The following SS18 variants were observed in gnomAD, a reference collection of about 807,000 sequenced individuals.
The protein encoded by SS18 is protein SSXT.
Under a neutral mutation model 72.5 loss-of-function variants are expected in SS18, and 28 were observed. The observed-to-expected ratio is 0.39, with a 90% CI of 0.29 to 0.53. The LOEUF (loss-of-function observed/expected upper bound fraction) is 0.53. Ranked by LOEUF, SS18 falls within the 20% of genes least tolerant of loss-of-function variation. The pLI is 0.76. For missense variants in SS18, 518 were observed against 535.3 expected, an observed-to-expected ratio of 0.97 and a Z score of 0.32; for synonymous variants, 172 against 164.2, an observed-to-expected ratio of 1.05 and a Z score of -0.37.
chr18:26,043,065 G>A (rs1468982961), intron 5 of SS18, among the ~76,000 whole-genome samples: 1 of 151,988 alleles, frequency 6.6e-6, no homozygotes, highest in Non-Finnish European at 1.5e-5. Context: ...AGCTTTACCT[G>A]TATTATTTCT....
chr18:26,034,094 C>G (rs1598539886), intron 9 of SS18, among the ~76,000 whole-genome samples: 1 of 152,244 alleles, frequency 6.6e-6, no homozygotes, highest in Middle Eastern at 3.4e-3. Context: ...AAATACCTGA[C>G]TCCCAATATC....
intron 9 of SS18, among the ~76,000 whole-genome samples, chr18:26,033,132 T>A (rs1272756178): frequency 2.6e-5 from 4 of 152,208 alleles, no homozygotes; most frequent in Non-Finnish European, 5.9e-5. Context: ...TTAATCACCT[T>A]TAATACTTTA....
intron 3 of SS18, 33 bp downstream of exon 3, chr18:26,078,043 T>A (rs375742796): frequency 2.7e-6 from 4 of 1,499,596 alleles, no homozygotes; most frequent in Non-Finnish European, 3.7e-6. Flanking sequence ...ACTATAAAGA[T>A]TGTCTACTTC....
At chr18:26,082,556 T>A in intron 2 of SS18, 1 of 963,084 alleles carries the variant, frequency 1.0e-6, no homozygotes, top group Non-Finnish European at 1.2e-6. Context: ...AGAAATGATT[T>A]AAGCAAACAT....
chr18:26,032,604 TAC>T, intron 9 of SS18, 72 bp from the exon 10 acceptor site: 1 of 1,496,252 alleles, frequency 6.7e-7, no homozygotes, highest in Non-Finnish European at 9.0e-7. Flanking sequence ...GGATGTGAAC[TAC>T]AGAGATGTTA....
chr18:26,078,415 ATAC>A (rs2054456020), intron 2 of SS18: 2 of 299,644 alleles, frequency 6.7e-6, no homozygotes, highest in South Asian at 1.4e-4. Flanking sequence ...CCACAAACCA[ATAC>A]TACGAGGCAG....
intron 10 of SS18, among the ~76,000 whole-genome samples, chr18:26,029,340 T>C (rs1488805602): frequency 1.3e-5 from 2 of 152,212 alleles, no homozygotes; most frequent in Non-Finnish European, 2.9e-5. Context: ...AGGTGACTAA[T>C]GTCTTTAAAA....
chr18:26,082,385 A>G, intron 2 of SS18: 1 of 951,664 alleles, frequency 1.1e-6, no homozygotes, highest in Non-Finnish European at 1.3e-6. Context: ...AATATTTATT[A>G]GACAACGGGA....
rs1418809216 is a variant in SS18, at chr18:26,035,270, C to T, written c.974-143G>A. ...AGAAGTTAACAAAACAAAGAAAAAA[C>T]TCAAACCAAACAGAAGGATTTCGGC... On this transcript the variant is annotated intron_variant, in intron 8 of 10. Transcript: ENST00000415083. This position sits in a 1 kb window ranked among gnomAD's most constrained non-coding sequence, Gnocchi z 4.4. 8.9e-7 allele frequency: 1 copy of T among 1,118,708 alleles called. No individual in the cohort carries two copies. Among genetic ancestry groups the T allele is most frequent in the East Asian group, 2.7e-5 (1 of 36,850 alleles). 69.3% of individuals were successfully genotyped at this position (1,118,708 alleles called of 1,614,324 possible).
intron 2 of SS18, among the ~76,000 whole-genome samples, chr18:26,085,373 T>A (rs1232895857): frequency 6.6e-6 from 1 of 152,110 alleles, no homozygotes; most frequent in Non-Finnish European, 1.5e-5. Context: ...TTTCAGCAAC[T>A]GGATATGCAA....
chr18:26,047,752 A>G (rs1160947249), intron 5 of SS18, among the ~76,000 whole-genome samples: 1 of 152,214 alleles, frequency 6.6e-6, no homozygotes, highest in African/African-American at 2.4e-5. Context: ...CTGAGGCAGG[A>G]GAATGGCATG....
intron 10 of SS18, among the ~76,000 whole-genome samples, chr18:26,026,900 T>A (rs1349736201): frequency 6.6e-6 from 1 of 151,934 alleles, no homozygotes; most frequent in Non-Finnish European, 1.5e-5. Flanking sequence ...CATAAAATAC[T>A]TAGAAAAATA....
At chr18:26,076,950 A>C (rs1381710220) in intron 3 of SS18, among the ~76,000 whole-genome samples, 1 of 152,074 alleles carries the variant, frequency 6.6e-6, no homozygotes, top group African/African-American at 2.4e-5. Context: ...AGCATTTATC[A>C]TGACTTTCCT....
At chr18:26,073,764 A>G (rs1470807648) in intron 3 of SS18, among the ~76,000 whole-genome samples, 5 of 152,246 alleles carry the variant, frequency 3.3e-5, no homozygotes, top group Non-Finnish European at 7.3e-5. Context: ...AAATGGGAAA[A>G]TAATAAACAT....
chr18:26,021,224 T>C (rs1819931334), intron 10 of SS18, among the ~76,000 whole-genome samples: 1 of 152,202 alleles, frequency 6.6e-6, no homozygotes, highest in Non-Finnish European at 1.5e-5. Context: ...AGTGCTAACG[T>C]CACCACTTAA....
At chr18:26,085,356 C>G (rs969243627) in intron 2 of SS18, among the ~76,000 whole-genome samples, 3 of 152,128 alleles carry the variant, frequency 2.0e-5, no homozygotes, top group South Asian at 2.1e-4. Flanking sequence ...TTCTTTAAGA[C>G]ACCACTTTTC....
chr18:26,076,519 G>A (rs1344086634), intron 3 of SS18, among the ~76,000 whole-genome samples: 1 of 151,964 alleles, frequency 6.6e-6, no homozygotes, highest in South Asian at 2.1e-4. Flanking sequence ...CTACCTAGCT[G>A]GTAGTCAAGT....
chr18:26,070,883 T>C (rs2054299378), intron 3 of SS18, among the ~76,000 whole-genome samples: 1 of 152,182 alleles, frequency 6.6e-6, no homozygotes, highest in Non-Finnish European at 1.5e-5. Flanking sequence ...TCTCAAACTA[T>C]AGTTAGTAAC....
At chr18:26,081,670 T>C (rs937160695) in intron 2 of SS18, among the ~76,000 whole-genome samples, 4 of 151,724 alleles carry the variant, frequency 2.6e-5, no homozygotes, top group Admixed American at 6.6e-5. Flanking sequence ...TGATATTAAA[T>C]ATATTTTCCT....
Sources: allele counts gnomAD v4.1 joint callset (sites outside exome capture counted in the v4.1 genomes callset), GRCh38; gene constraint gnomAD v4.1.1; non-coding constraint Gnocchi (gnomAD v3.1); transcripts MANE v1.5; gene names NCBI Gene and HGNC (gene_info 2026-07-23, HGNC 2026-07-21).